The following ALK variants were observed in gnomAD, a reference collection of about 807,000 sequenced individuals.
ALK encodes the protein ALK tyrosine kinase receptor.
In ALK, 74 loss-of-function variants were observed where a neutral mutation model predicts 163.1. That is an observed-to-expected ratio of 0.45 (90% CI 0.38 to 0.55). ALK has a LOEUF of 0.55. Ranked by LOEUF, ALK falls within the 20% of genes least tolerant of loss-of-function variation. ALK has a pLI of 0.00. For missense variants in ALK, 2,063 were observed against 2,105.3 expected, an observed-to-expected ratio of 0.98 and a Z score of 0.39; for synonymous variants, 960 against 843.2, an observed-to-expected ratio of 1.14 and a Z score of -2.40.
chr2:29,325,257 T>TA (rs1667217359), intron 6 of ALK, among the ~76,000 whole-genome samples: 2 of 152,280 alleles, frequency 1.3e-5, no homozygotes, highest in South Asian at 4.1e-4. Context: ...GAGGAAACAT[T>TA]TTAACAGGTT....
chr2:29,909,505 A>T (rs971973639), intron 1 of ALK, among the ~76,000 whole-genome samples: 1 of 151,506 alleles, frequency 6.6e-6, no homozygotes, highest in Non-Finnish European at 1.5e-5. Context: ...AGAGAGAGAG[A>T]GAGAGAGAGA....
At chr2:29,296,610 C>T (rs766283087) in intron 9 of ALK, among the ~76,000 whole-genome samples, 3 of 152,184 alleles carry the variant, frequency 2.0e-5, no homozygotes, top group Admixed American at 6.5e-5. Context: ...ATTTTTCCTC[C>T]AGACACTGGG....
chr2:29,263,472 A>T (rs1665138755), intron 11 of ALK, among the ~76,000 whole-genome samples: 1 of 152,176 alleles, frequency 6.6e-6, no homozygotes, highest in South Asian at 2.1e-4. Context: ...TTGGAGCTAG[A>T]AAGGTGTCCC....
chr2:29,338,094 A>G (rs1667679415), intron 5 of ALK, among the ~76,000 whole-genome samples: 1 of 152,170 alleles, frequency 6.6e-6, no homozygotes, highest in African/African-American at 2.4e-5. Flanking sequence ...TGGAGGGTGG[A>G]TGGGAAGGGG....
intron 1 of ALK, among the ~76,000 whole-genome samples, chr2:29,806,252 T>C (rs1423161547): frequency 6.6e-6 from 1 of 152,104 alleles, no homozygotes; most frequent in Non-Finnish European, 1.5e-5. Flanking sequence ...GTGTGTGCAT[T>C]GGGTCTGTAA....
intron 8 of ALK, among the ~76,000 whole-genome samples, chr2:29,298,825 C>T (rs759309851): frequency 6.6e-6 from 1 of 152,102 alleles, no homozygotes; most frequent in Non-Finnish European, 1.5e-5. Flanking sequence ...CACTGTCTTC[C>T]ACGTTAGCCC....
At chr2:29,549,068 G>T (rs146231548) in intron 3 of ALK, among the ~76,000 whole-genome samples, 4 of 151,676 alleles carry the variant, frequency 2.6e-5, no homozygotes, top group Admixed American at 2.6e-4. Context: ...GGAAGAAGCA[G>T]AATTAATTTA....
intron 1 of ALK, among the ~76,000 whole-genome samples, chr2:29,790,641 T>A (rs779193033): frequency 1.3e-5 from 2 of 152,190 alleles, no homozygotes; most frequent in Admixed American, 1.3e-4. Flanking sequence ...TGGAATGCAA[T>A]GGCACGATCT....
At chr2:29,489,896 T>C (rs1671860137) in intron 4 of ALK, among the ~76,000 whole-genome samples, 1 of 152,174 alleles carries the variant, frequency 6.6e-6, no homozygotes, top group African/African-American at 2.4e-5. Context: ...AGAAAGCCAA[T>C]AGCAGGCAAT....
intron 11 of ALK, among the ~76,000 whole-genome samples, chr2:29,257,046 C>T (rs1264504516): frequency 6.6e-6 from 1 of 152,106 alleles, no homozygotes; most frequent in Non-Finnish European, 1.5e-5. Context: ...TGGCTTGATG[C>T]TGAGCAGACA....
At chr2:29,814,762 T>C (rs34859587) in intron 1 of ALK, among the ~76,000 whole-genome samples, 22,131 of 151,968 alleles carry the variant, frequency 0.15, 1,752 homozygotes, top group South Asian at 0.2. Context: ...CCATGTTATT[T>C]AACTTATCTG....
In ALK at chr2:29,920,374, C is replaced by T. The variant is rs1057065255; in HGVS notation, c.286G>A (p.Ala96Thr). 5 of 1,558,948 alleles carry T rather than the reference C, an allele frequency of 3.2e-6. No homozygotes were observed. The African/African-American group carries it at 4.1e-5, about 13-fold the overall frequency. Residue 96 changes from alanine to threonine, a missense_variant, in exon 1 of 29, where the codon GCC becomes ACC. Ala to Thr is a moderately conservative substitution (Grantham distance 58). Around this residue, in one of 5 missense-constraint regions of ALK, gnomAD observed 987 missense variants for 939.5 expected, o/e 1.05. Transcript: ENST00000389048. ...GGCCCCAGCAACCTGAGCAGCGGGG[C>T]GCAGTCCAGAGCTAGCGAGCCGCGG... Reference protein sequence around the residue: ...EARGSLALDCAPLLRLLGPAP... With the variant: ...EARGSLALDCTPLLRLLGPAP...
chr2:29,731,781 C>A (rs576292521), intron 1 of ALK, among the ~76,000 whole-genome samples: 1 of 152,198 alleles, frequency 6.6e-6, no homozygotes, highest in African/African-American at 2.4e-5. Flanking sequence ...CAGGACTAAG[C>A]ATTAAAGATA....
intron 1 of ALK, among the ~76,000 whole-genome samples, chr2:29,784,266 C>A (rs749546102): frequency 6.6e-6 from 1 of 152,210 alleles, no homozygotes; most frequent in African/African-American, 2.4e-5. Flanking sequence ...TGCTAATAAA[C>A]ATGAATGACG....
intron 4 of ALK, among the ~76,000 whole-genome samples, chr2:29,442,755 G>T (rs1050649349): frequency 9.9e-5 from 15 of 152,214 alleles, no homozygotes; most frequent in African/African-American, 3.6e-4. Flanking sequence ...CTGGGCACTA[G>T]GAGATCTGGG....
At chr2:29,217,254 G>GTGTGTGGTGTGTTTTT (rs544531289) in intron 23 of ALK, among the ~76,000 whole-genome samples, 2 of 151,146 alleles carry the variant, frequency 1.3e-5, no homozygotes, top group African/African-American at 4.9e-5. Flanking sequence ...TGTGATGTAC[G>GTGTGTGGTGTGTTTTT]TGTGTGGTGT....
At chr2:29,860,670 C>A (rs1200197808) in intron 1 of ALK, among the ~76,000 whole-genome samples, 1 of 152,148 alleles carries the variant, frequency 6.6e-6, no homozygotes, top group Non-Finnish European at 1.5e-5. Flanking sequence ...AGACTGAAAT[C>A]ACATCAAGTA....
At chr2:29,826,992 C>T (rs182509622) in intron 1 of ALK, among the ~76,000 whole-genome samples, 1 of 152,350 alleles carries the variant, frequency 6.6e-6, no homozygotes, top group African/African-American at 2.4e-5. Flanking sequence ...TGTACCCTTA[C>T]AGGAGATTGA....
chr2:29,207,946 CTG>C (rs1669357104), intron 25 of ALK: 1 of 415,394 alleles, frequency 2.4e-6, no homozygotes, highest in Admixed American at 2.4e-5. Flanking sequence ...TGGTGTTCTC[CTG>C]TGTGAGTGTG....
Sources: allele counts gnomAD v4.1 joint callset (sites outside exome capture counted in the v4.1 genomes callset), GRCh38; gene constraint gnomAD v4.1.1; regional missense constraint gnomAD v4.1.1; transcripts MANE v1.5; gene names NCBI Gene and HGNC (gene_info 2026-07-23, HGNC 2026-07-21).